GLT1D1: variants seen among roughly 807,000 people sequenced by gnomAD.
GLT1D1 encodes glycosyltransferase 1 domain-containing protein 1.
In GLT1D1, 21 loss-of-function variants were observed where a neutral mutation model predicts 28.7. The observed-to-expected ratio is 0.73, with a 90% CI of 0.52 to 1.05. The LOEUF is 1.05. Ranked by LOEUF, GLT1D1 falls within the 50% of genes least tolerant of loss-of-function variation. The pLI is 0.00. For missense variants in GLT1D1, 343 were observed against 330.6 expected, an observed-to-expected ratio of 1.04 and a Z score of -0.29; for synonymous variants, 147 against 124.8, an observed-to-expected ratio of 1.18 and a Z score of -1.19.
chr12:128,963,570 CG>C (rs1419773590), intron 7 of GLT1D1, among the ~76,000 whole-genome samples: 1 of 152,072 alleles, frequency 6.6e-6, no homozygotes, highest in African/African-American at 2.4e-5. Flanking sequence ...TGCTTAAACC[CG>C]GGGGGTGGAG....
chr12:128,938,675 A>C (rs73416760), intron 4 of GLT1D1, among the ~76,000 whole-genome samples: 133 of 152,358 alleles, frequency 8.7e-4, no homozygotes, highest in African/African-American at 3.0e-3. Flanking sequence ...GCCTACTGGT[A>C]AAGTGTAAAT....
chr12:128,872,313 A>G (rs1956712768), intron 1 of GLT1D1, among the ~76,000 whole-genome samples: 1 of 152,164 alleles, frequency 6.6e-6, no homozygotes, highest in African/African-American at 2.4e-5. Flanking sequence ...TGCCCCAAGT[A>G]AGATGTGACT....
intron 7 of GLT1D1, among the ~76,000 whole-genome samples, chr12:128,975,089 G>A (rs1384346217): frequency 2.0e-5 from 3 of 152,118 alleles, no homozygotes; most frequent in Non-Finnish European, 2.9e-5. Context: ...CCCACGCTCC[G>A]TCACTCCTGA....
intron 2 of GLT1D1, among the ~76,000 whole-genome samples, chr12:128,877,688 G>C (rs1956902623): frequency 6.6e-6 from 1 of 152,108 alleles, no homozygotes; most frequent in South Asian, 2.1e-4. Context: ...ATTTTCTTGT[G>C]GATATTCTCC....
chr12:128,864,177 A>C (rs960017710), intron 1 of GLT1D1: 13 of 684,210 alleles, frequency 1.9e-5, no homozygotes, highest in Non-Finnish European at 2.7e-5. Flanking sequence ...CAGACGACAC[A>C]CTGTAAGTTT....
intron 6 of GLT1D1, among the ~76,000 whole-genome samples, chr12:128,956,485 CATT>C (rs1187436014): frequency 6.6e-6 from 1 of 152,134 alleles, no homozygotes; most frequent in African/African-American, 2.4e-5. Flanking sequence ...TAAGTCGAAT[CATT>C]ATAAGTCAGA....
chr12:128,933,719 C>T (rs953181269), intron 4 of GLT1D1, among the ~76,000 whole-genome samples: 1 of 152,154 alleles, frequency 6.6e-6, no homozygotes, highest in East Asian at 1.9e-4. Context: ...CCCCTGACCA[C>T]CCAACTGAAA....
At chr12:128,973,710 C>T (rs1472530363) in intron 7 of GLT1D1, among the ~76,000 whole-genome samples, 1 of 152,108 alleles carries the variant, frequency 6.6e-6, no homozygotes, top group African/African-American at 2.4e-5. Flanking sequence ...TCCCCACCAA[C>T]CCCCAAAGCA....
At chr12:128,878,249 C>T (rs1414863892) in intron 2 of GLT1D1, among the ~76,000 whole-genome samples, 5 of 152,142 alleles carry the variant, frequency 3.3e-5, no homozygotes, top group African/African-American at 4.8e-5. Flanking sequence ...GGAAGCCCAC[C>T]GCTGAATATA....
intron 3 of GLT1D1, 43 bp from the exon 4 acceptor site, chr12:128,899,193 A>T: frequency 6.9e-7 from 1 of 1,452,306 alleles, no homozygotes; most frequent in South Asian, 1.1e-5. Context: ...CTTTTAATTG[A>T]ATTCTGGCCT....
intron 4 of GLT1D1, among the ~76,000 whole-genome samples, chr12:128,909,588 T>A (rs923552373): frequency 6.6e-6 from 1 of 152,216 alleles, no homozygotes; most frequent in African/African-American, 2.4e-5. Flanking sequence ...AGCATAAAAT[T>A]GTGCCTGTAT....
At chr12:128,950,172 A>T (rs1467817954) in intron 6 of GLT1D1, among the ~76,000 whole-genome samples, 1 of 152,174 alleles carries the variant, frequency 6.6e-6, no homozygotes, top group East Asian at 1.9e-4. Flanking sequence ...TGCTACTGGC[A>T]TGTATTTGGG....
chr12:128,975,038 C>G (rs76171418), intron 7 of GLT1D1, among the ~76,000 whole-genome samples: 19 of 152,106 alleles, frequency 1.2e-4, no homozygotes, highest in African/African-American at 4.6e-4. Context: ...AGTGCCCCCC[C>G]GCACCTGCAC....
intron 7 of GLT1D1, among the ~76,000 whole-genome samples, chr12:128,979,342 A>G (rs1221954867): frequency 6.7e-6 from 1 of 148,764 alleles, no homozygotes; most frequent in Non-Finnish European, 1.5e-5. Context: ...CTCATGTCCC[A>G]CCAGTCCCTC....
At position 128,929,907 on chromosome 12, in the gene GLT1D1, C is replaced by T. The variant is rs529490139; in HGVS notation, c.376-15419C>T. On this transcript the variant is annotated intron_variant, in intron 4 of 7. Transcript: ENST00000281703. ...ACGAGAATCACTTGAACCTGGGAAG[C>T]GGAGGTTGCAGTGAGCCAAGATTGC... Among the ~76,000 whole-genome samples, 935 of 152,278 alleles carry T rather than the reference C, an allele frequency of 6.1e-3. 9 individuals carry two copies. Among genetic ancestry groups the T allele is most frequent in the African/African-American group, 0.021 (893 of 41,560 alleles).
In GLT1D1 at chr12:128,939,846, C is replaced by CT. The variant is rs56410121; in HGVS notation, c.376-5480_376-5479insT. On this transcript the variant is annotated intron_variant, in intron 4 of 7. Transcript: ENST00000281703. ...TGCCAAATTGTTAGAAACCCCCCCC[C>CT]ACCGCCGATCCAATCACCTCCTACC... Among the ~76,000 whole-genome samples the CT allele has an allele frequency of 1.5e-5, 2 of 131,020 alleles. 1 individual carries two copies. The highest frequency in any genetic ancestry group is 5.4e-5 in the African/African-American group (2 of 37,334). The allele number at this position is 131,020 out of a possible 152,430, so 86.0% of individuals were successfully genotyped here. A position where few individuals can be genotyped will look rare whatever the true frequency, so the allele number is the denominator to read the frequency against.
At chr12:128,960,291 G>A (rs1877802109) in intron 7 of GLT1D1, among the ~76,000 whole-genome samples, 1 of 152,022 alleles carries the variant, frequency 6.6e-6, no homozygotes, top group African/African-American at 2.4e-5. Context: ...GGTTCAGTCT[G>A]GTTTGGTTTT....
At chr12:128,861,986 G>C (rs1222591260) in intron 1 of GLT1D1, among the ~76,000 whole-genome samples, 1 of 152,148 alleles carries the variant, frequency 6.6e-6, no homozygotes, top group Non-Finnish European at 1.5e-5. Context: ...GCCTTCCTTG[G>C]TTTTGTTTGT....
At chr12:128,874,319 T>C (rs569048590) in intron 1 of GLT1D1, among the ~76,000 whole-genome samples, 1 of 150,972 alleles carries the variant, frequency 6.6e-6, no homozygotes, top group African/African-American at 2.4e-5. Context: ...GTAGCTAGGA[T>C]TACAGGCATG....
Sources: gnomAD v4.1 joint callset for allele counts (sites outside exome capture counted in the v4.1 genomes callset) on GRCh38, gnomAD v4.1.1 for gene constraint, MANE v1.5 for transcripts, NCBI Gene and HGNC (gene_info 2026-07-23, HGNC 2026-07-21) for gene names.